Variants in IQCE observed in about 807,000 individuals in gnomAD.
IQCE encodes IQ domain-containing protein E.
A neutral mutation model predicts 96.0 loss-of-function variants in IQCE; 115 were observed. The observed-to-expected ratio is 1.20, with a 90% CI of 1.03 to 1.40. The LOEUF (loss-of-function observed/expected upper bound fraction) is 1.40, where lower values mean the gene tolerates loss of function less well. Ranked by LOEUF, IQCE falls within the 40% of genes most tolerant of loss-of-function variation. IQCE has a pLI of 0.00. For missense variants in IQCE, 1,041 were observed against 909.1 expected, an observed-to-expected ratio of 1.15 and a Z score of -1.87; for synonymous variants, 412 against 371.2, an observed-to-expected ratio of 1.11 and a Z score of -1.26.
intron 19 of IQCE, 112 bp downstream of exon 19, chr7:2,605,103 C>T (rs1784703244): frequency 1.4e-6 from 1 of 730,166 alleles, no homozygotes; most frequent in South Asian, 1.7e-5. Context: ...CCCGCCCGCC[C>T]AGCAGGCGTC....
At chr7:2,575,551 A>G (rs1782057354) in intron 6 of IQCE, among the ~76,000 whole-genome samples, 1 of 151,918 alleles carries the variant, frequency 6.6e-6, no homozygotes, top group African/African-American at 2.4e-5. Flanking sequence ...GCGGGAGGGG[A>G]GGGTACTGGG....
At chr7:2,581,209 GTATT>G (rs1199488463) in intron 8 of IQCE, among the ~76,000 whole-genome samples, 8 of 151,992 alleles carry the variant, frequency 5.3e-5, no homozygotes, top group Non-Finnish European at 1.0e-4. Context: ...ATTTGTTTAT[GTATT>G]TATTTATTTT....
intron 16 of IQCE, chr7:2,596,772 A>C (rs1471179880): frequency 2.9e-6 from 1 of 347,034 alleles, no homozygotes; most frequent in African/African-American, 2.1e-5. Context: ...AGATGATCTC[A>C]CTTTAGCGGA....
Position 2,587,756 on chromosome 7 carries a change from G to A in IQCE, c.989-66G>A, listed in dbSNP as rs940448707. ...GGAAGAGGAGCCTCAGGCCATACCT[G>A]AGAAGGGTGGCCCTGCTGGCAGTGC... On this transcript the variant is annotated intron_variant, in intron 12 of 21. Coordinates refer to ENST00000402050, the MANE Select transcript of IQCE (RefSeq NM_152558.5). 1.1e-4 allele frequency: 159 copies of A among 1,495,412 alleles called. 1 individual carries two copies. In the East Asian group the frequency reaches 2.0e-3, roughly 19 times the overall value. 92.6% of individuals were successfully genotyped at this position (1,495,412 alleles called of 1,614,324 possible). A position where few individuals can be genotyped will look rare whatever the true frequency, so the allele number is the denominator to read the frequency against.
rs1783439922 is a variant in IQCE at position 2,589,849 on chromosome 7, G to A, written c.1045-58G>A. The A allele has an allele frequency of 3.3e-6, 5 of 1,538,392 alleles. No individual in the cohort carries two copies. In the Admixed American group the frequency reaches 6.7e-5, roughly 21 times the overall value. ...GGTTCAGTGTCTCTTTTCTGGGTTT[G>A]GTAAATAGAAAGTAGAAATGAGAAC... On this transcript the variant is annotated intron_variant, in intron 13 of 21. Transcript: ENST00000402050.
In IQCE at chr7:2,578,319, G is replaced by A. The variant is rs1782366137; in HGVS notation, c.543G>A (p.Lys181=). 4 of 1,614,000 alleles carry A rather than the reference G, an allele frequency of 2.5e-6. No homozygotes were observed. The highest frequency in any genetic ancestry group is 1.7e-5 in the Admixed American group (1 of 60,008). The change falls in exon 7 of 22, where the codon AAG becomes AAA. Residue 181 remains lysine, a synonymous_variant. Coordinates refer to ENST00000402050, the MANE Select transcript of IQCE (RefSeq NM_152558.5). ...LRRLEEENSR[K]DRQIEQLLDP... ...GCCTGGAGGAGGAAAACAGCAGGAA[G>A]GACCGGCAGATAGAGCAGCTCCTGG...
At chr7:2,577,280 CGCAGTGGCGT>C (rs2128442951) in intron 6 of IQCE, among the ~76,000 whole-genome samples, 1 of 151,972 alleles carries the variant, frequency 6.6e-6, no homozygotes, top group Middle Eastern at 3.5e-3. Context: ...GCGGTGTGTG[CGCAGTGGCGT>C]GTGCTTGGCT....
chr7:2,581,022 T>C (rs1782624584), intron 8 of IQCE, among the ~76,000 whole-genome samples: 1 of 152,100 alleles, frequency 6.6e-6, no homozygotes, highest in Admixed American at 6.5e-5. Flanking sequence ...TTTTTGTATT[T>C]TTAGTAGAGA....
At chr7:2,605,058 C>A in intron 19 of IQCE, 67 bp downstream of exon 19, 2 of 1,157,042 alleles carry the variant, frequency 1.7e-6, no homozygotes, top group Non-Finnish European at 2.5e-6. Context: ...CTCCATCCAT[C>A]GAGAAAGCGT....
Position 2,586,228 on chromosome 7 carries a change from C to T in IQCE, c.845C>T (p.Thr282Met), listed in dbSNP as rs201196475. 1.9e-3 allele frequency: 3,008 copies of T among 1,613,624 alleles called. 8 individuals carry two copies. The highest frequency in any genetic ancestry group is 2.3e-3 in the Non-Finnish European group (2,751 of 1,179,834). Residue 282 changes from threonine to methionine, a missense_variant, in exon 12 of 22, where the codon ACG becomes ATG. Physicochemically the swap from Thr to Met is moderately conservative, Grantham distance 81. Transcript: ENST00000402050. Reference protein sequence around the residue: ...TGKKPLGEKKTGAKRQKKMGS... With the variant: ...TGKKPLGEKKMGAKRQKKMGS... ...TCCAGGCCCCTGGGGGAGAAGAAGA[C>T]GGGCGCCAAAAGGCAGAAGAAGATG...
At chr7:2,587,965 G>A (rs1217792634) in intron 13 of IQCE, 88 bp downstream of exon 13, 2 of 1,244,086 alleles carry the variant, frequency 1.6e-6, no homozygotes, top group Non-Finnish European at 2.4e-6. Flanking sequence ...AGGTGGCGCT[G>A]AGCATGGCAC....
chr7:2,568,910 T>G (rs746485113), intron 2 of IQCE, 44 bp from the exon 3 acceptor site: 5 of 1,580,162 alleles, frequency 3.2e-6, no homozygotes, highest in Admixed American at 1.7e-5. Flanking sequence ...GATGCACCAC[T>G]GTGGGAGCTC....
intron 3 of IQCE, 93 bp from the exon 4 acceptor site, chr7:2,571,433 T>C (rs918015685): frequency 5.2e-6 from 8 of 1,531,446 alleles, no homozygotes; most frequent in Non-Finnish European, 7.1e-6. Flanking sequence ...CGCTCGTGGA[T>C]TTTGTTTTCC....
rs933268470 is a variant in IQCE at position 2,606,010 on chromosome 7, C to T, written c.1865+13C>T. ...GGGCCAGGCACAGGTGAGTCAGGGT[C>T]ACGGGGACGTGGGACACAGACATGG... On this transcript the variant is annotated intron_variant, in intron 20 of 21. Transcript: ENST00000402050. The T allele has an allele frequency of 6.2e-7, 1 of 1,603,144 alleles. No individual in the cohort carries two copies. Among genetic ancestry groups the T allele is most frequent in the Non-Finnish European group, 8.5e-7 (1 of 1,175,950 alleles).
chr7:2,605,824 G>A, intron 19 of IQCE, 52 bp from the exon 20 acceptor site: 4 of 1,467,120 alleles, frequency 2.7e-6, no homozygotes, highest in Non-Finnish European at 1.8e-6. Context: ...AGTGCTGGGA[G>A]CCAGCAGGGG....
chr7:2,596,888 T>C (rs73033691), intron 16 of IQCE: 5 of 441,702 alleles, frequency 1.1e-5, no homozygotes, highest in Admixed American at 2.5e-5. Flanking sequence ...GCCAAGCAAC[T>C]TGTTGCCACA....
intron 6 of IQCE, among the ~76,000 whole-genome samples, chr7:2,573,888 C>T (rs1228753839): frequency 6.6e-6 from 1 of 152,184 alleles, no homozygotes; most frequent in African/African-American, 2.4e-5. Flanking sequence ...GTCTCAGGCC[C>T]TCTACAGAAG....
At chr7:2,568,104 C>CG (rs776876806) in intron 2 of IQCE, among the ~76,000 whole-genome samples, 35 of 152,272 alleles carry the variant, frequency 2.3e-4, no homozygotes, top group African/African-American at 7.9e-4. Flanking sequence ...CACGGCACGA[C>CG]GGGTTGTGTG....
At chr7:2,592,323 A>AC (rs1457063429) in intron 14 of IQCE, among the ~76,000 whole-genome samples, 1 of 152,256 alleles carries the variant, frequency 6.6e-6, no homozygotes, top group East Asian at 1.9e-4. Context: ...CATAGACATT[A>AC]GGTAAAAAAC....
Sources: allele counts gnomAD v4.1 joint callset (sites outside exome capture counted in the v4.1 genomes callset), GRCh38; gene constraint gnomAD v4.1.1; transcripts MANE v1.5; gene names NCBI Gene and HGNC (gene_info 2026-07-23, HGNC 2026-07-21).